The following COL7A1 variants were observed in gnomAD, a reference collection of about 807,000 sequenced individuals.
COL7A1 encodes collagen alpha-1(VII) chain.
A neutral mutation model predicts 456.2 loss-of-function variants in COL7A1; 296 were observed. The ratio of observed to expected loss-of-function variants is 0.65; its 90% CI spans 0.59 to 0.71. The LOEUF (loss-of-function observed/expected upper bound fraction) is 0.71. COL7A1 is among the 30% of genes least tolerant of loss of function. The pLI is 0.00. For synonymous variants in COL7A1, 1,464 were observed against 1,525.9 expected, an observed-to-expected ratio of 0.96 and a Z score of 0.95; for missense variants, 3,441 against 4,017.2, an observed-to-expected ratio of 0.86 and a Z score of 3.88.
Position 48,568,334 on chromosome 3 carries a change from C to T in COL7A1, c.7795-164G>A, listed in dbSNP as rs1019792901. 4 of 1,044,614 alleles carry T rather than the reference C, an allele frequency of 3.8e-6. No homozygotes were observed. In the Admixed American group the frequency reaches 8.2e-5, roughly 21 times the overall value. 64.7% of individuals were successfully genotyped at this position (1,044,614 alleles called of 1,614,324 possible). ...CAAGGGTCACCATAGGCAGGGGACA[C>T]CATCATAGGCGGCTACTGTGGAGGT... On this transcript the variant is annotated intron_variant, in intron 105 of 118. Transcript: ENST00000681320. The surrounding 1 kb of genome is among the most constrained non-coding windows in gnomAD (Gnocchi z 5.2).
At position 48,565,351 on chromosome 3, in the gene COL7A1, C is replaced by G. The variant is rs963083485; in HGVS notation, c.8527+59G>C. The G allele has an allele frequency of 1.3e-6, 2 of 1,550,170 alleles. No individual in the cohort carries two copies. Among genetic ancestry groups the G allele is most frequent in the Non-Finnish European group, 1.8e-6 (2 of 1,140,220 alleles). ...TTGGCGTGTGCCCTGCATTCATGGA[C>G]ACCCATGTGCGTGTCTCGGCCCCAC... On this transcript the variant is annotated intron_variant, in intron 116 of 118. Transcript: ENST00000681320. The surrounding 1 kb of genome is among the most constrained non-coding windows in gnomAD (Gnocchi z 4.5).
chr3:48,574,463 G>A lies in COL7A1; in HGVS notation c.6456+25C>T. 1 of 1,614,078 alleles carries A rather than the reference G, an allele frequency of 6.2e-7. No individual in the cohort carries two copies. Among genetic ancestry groups the A allele is most frequent in the Non-Finnish European group, 8.5e-7 (1 of 1,180,000 alleles). Reference sequence around the variant, plus strand: ...ATGTGAGAGCCACCTTCTTGCACATGTGTGGCTGTTGGGCAAGGACTTACC... The same window carrying A: ...ATGTGAGAGCCACCTTCTTGCACATATGTGGCTGTTGGGCAAGGACTTACC... On this transcript the variant is annotated intron_variant, in intron 79 of 118. Transcript: ENST00000681320. This position sits in a 1 kb window ranked among gnomAD's most constrained non-coding sequence, Gnocchi z 5.0.
Position 48,571,890 on chromosome 3 carries a change from A to T in COL7A1, c.7068+111T>A, listed in dbSNP as rs758045458. 14 of 1,325,576 alleles carry T rather than the reference A, an allele frequency of 1.1e-5. No individual in the cohort carries two copies. Among genetic ancestry groups the T allele is most frequent in the Non-Finnish European group, 1.5e-5 (14 of 943,878 alleles). The allele number at this position is 1,325,576 out of a possible 1,614,324, so 82.1% of individuals were successfully genotyped here. A position where few individuals can be genotyped will look rare whatever the true frequency, so the allele number is the denominator to read the frequency against. On this transcript the variant is annotated intron_variant, in intron 92 of 118. Coordinates refer to ENST00000681320, the MANE Select transcript of COL7A1 (RefSeq NM_000094.4). This position sits in a 1 kb window ranked among gnomAD's most constrained non-coding sequence, Gnocchi z 4.6. ...AGAGCAGGCTCCTGGATGTTGGGAC[A>T]TGCAGCCCGACTCAGGGGCTCAGAC...
In COL7A1 at chr3:48,567,827, C is replaced by T; in HGVS notation, c.7929+11G>A. 6.2e-7 allele frequency: 1 copy of T among 1,614,068 alleles called. No homozygotes were observed. The highest frequency in any genetic ancestry group is 1.3e-5 in the African/African-American group (1 of 74,998). On this transcript the variant is annotated intron_variant, in intron 107 of 118. Coordinates refer to ENST00000681320, the MANE Select transcript of COL7A1 (RefSeq NM_000094.4). The surrounding 1 kb of genome is among the most constrained non-coding windows in gnomAD (Gnocchi z 4.3). The stretch of plus-strand genomic sequence containing the variant: ...GGCCACGTAGCCCCCCAGCCCCCAT[C>T]CCCTCTGTACCTTGTCTCCCTTCTC...
In COL7A1 at chr3:48,587,275, T is replaced by C. The variant is rs2107755763; in HGVS notation, c.3054A>G (p.Leu1018=). 2 of 1,610,584 alleles carry C rather than the reference T, an allele frequency of 1.2e-6. No individual in the cohort carries two copies. Among genetic ancestry groups the C allele is most frequent in the South Asian group, 2.2e-5 (2 of 90,506 alleles). The change falls in exon 24 of 119, where the codon CTA becomes CTG. Residue 1018 remains leucine (L), a synonymous_variant. Coordinates refer to ENST00000681320, the MANE Select transcript of COL7A1 (RefSeq NM_000094.4). This position sits in a 1 kb window ranked among gnomAD's most constrained non-coding sequence, Gnocchi z 6.1. ...GISSSQRVTG[L]EPGVSYIFSL... is the part of the protein sequence containing the mutation. ...AGAAGATGTAAGAGACGCCAGGCTC[T>C]AGCCCTGTCACCCGCTGGGAGCTTG...
In COL7A1 at chr3:48,583,847, G is replaced by A. The variant is rs895970578; in HGVS notation, c.4278+53C>T. 5 of 1,613,526 alleles carry A rather than the reference G, an allele frequency of 3.1e-6. No homozygotes were observed. In the Admixed American group the frequency reaches 8.3e-5, roughly 27 times the overall value. ...GCCCAGCACCCAACCACTGCCCCAG[G>A]AGAGACCCACACCCCTGAGCAGGGC... On this transcript the variant is annotated intron_variant, in intron 39 of 118. Coordinates refer to ENST00000681320, the MANE Select transcript of COL7A1 (RefSeq NM_000094.4). This position sits in a 1 kb window ranked among gnomAD's most constrained non-coding sequence, Gnocchi z 5.1.
Position 48,594,981 on chromosome 3 carries a change from G to C in COL7A1, c.85+94C>G. The C allele has an allele frequency of 1.9e-6, 2 of 1,038,870 alleles. No individual in the cohort carries two copies. The highest frequency in any genetic ancestry group is 3.2e-5 in the African/African-American group (2 of 63,418). 64.4% of individuals were successfully genotyped at this position (1,038,870 alleles called of 1,614,324 possible). A position where few individuals can be genotyped will look rare whatever the true frequency, so the allele number is the denominator to read the frequency against. On this transcript the variant is annotated intron_variant, in intron 2 of 118. Transcript: ENST00000681320. This position sits in a 1 kb window ranked among gnomAD's most constrained non-coding sequence, Gnocchi z 5.5. ...CGCGGGGCGTCGTGGAGTTGGCTGG[G>C]TTGTGGGCGGGGGGTGTTGGGGATG...
Position 48,591,479 on chromosome 3 carries a change from CA to C in COL7A1, c.1620del (p.Ile540MetfsTer75). 1 of 1,613,920 alleles carries C rather than the reference CA, an allele frequency of 6.2e-7. No homozygotes were observed. Among genetic ancestry groups the C allele is most frequent in the Non-Finnish European group, 8.5e-7 (1 of 1,179,970 alleles). On this transcript the variant is annotated frameshift_variant, in exon 13 of 119. Transcript: ENST00000681320. LOFTEE classifies it high-confidence loss of function. This position sits in a 1 kb window ranked among gnomAD's most constrained non-coding sequence, Gnocchi z 7.0. ...PVPGATQYRI[I>X]VRSTQGVERT... ...TCCACCTCACCCTGGGTGCTGCGCA[CA>C]ATGATGCGGTACTGGGTGGCACCAG...
At position 48,581,300 on chromosome 3, in the gene COL7A1, C is replaced by T. The variant is rs373682717; in HGVS notation, c.4859G>A (p.Arg1620Gln). ...GPPGEKGDPGRPGPPGPVGPR... is the reference protein window; with the variant it reads ...GPPGEKGDPGQPGPPGPVGPR... ...GCCAACAGGTCCTGGGGGGCCAGGC[C>T]GCCCAGGGTCTCCCTTCTCTCCAGG... Residue 1620 changes from arginine to glutamine, a missense_variant, in exon 52 of 119, where the codon CGG becomes CAG. By Grantham distance (43) the Arg-to-Gln change is conservative. Coordinates refer to ENST00000681320, the MANE Select transcript of COL7A1 (RefSeq NM_000094.4). The surrounding 1 kb of genome is among the most constrained non-coding windows in gnomAD (Gnocchi z 5.8). 60 of 1,613,382 alleles carry T rather than the reference C, an allele frequency of 3.7e-5. No individual in the cohort carries two copies. In the African/African-American group the frequency reaches 4.1e-4, roughly 11 times the overall value.
intron 68 of COL7A1, 23 bp downstream of exon 68, chr3:48,576,653 C>T: frequency 2.5e-6 from 4 of 1,597,220 alleles, no homozygotes; most frequent in Non-Finnish European, 3.4e-6. Context: ...CTCTGAAGTC[C>T]CAGAATGACC....
At position 48,572,319 on chromosome 3, in the gene COL7A1, A is replaced by ATTTCT; in HGVS notation, c.6978+60_6978+61insAGAAA. 1.9e-6 allele frequency: 3 copies of ATTTCT among 1,613,772 alleles called. No individual in the cohort carries two copies. The highest frequency in any genetic ancestry group is 2.5e-6 in the Non-Finnish European group (3 of 1,179,706). ...GGTAAACTATGGGTCGAAGGTCAGAAGTTAGGCCACTGGAGAGACAGGACC... is the reference window on the plus strand; with the variant it reads ...GGTAAACTATGGGTCGAAGGTCAGAATTTCTGTTAGGCCACTGGAGAGACAGGACC... On this transcript the variant is annotated intron_variant, in intron 90 of 118. Coordinates refer to ENST00000681320, the MANE Select transcript of COL7A1 (RefSeq NM_000094.4). This position sits in a 1 kb window ranked among gnomAD's most constrained non-coding sequence, Gnocchi z 4.6.
At chr3:48,589,755 G>C (rs2045559750) in intron 16 of COL7A1, 37 bp from the exon 17 acceptor site, 1 of 1,613,780 alleles carries the variant, frequency 6.2e-7, no homozygotes, top group East Asian at 2.2e-5. Flanking sequence ...TGCTGGAACA[G>C]GCAGGAAGGA....
In COL7A1 at chr3:48,592,739, G is replaced by C; in HGVS notation, c.846+36C>G. 5.6e-6 allele frequency: 9 copies of C among 1,613,304 alleles called. 1 individual carries two copies. In the South Asian group the frequency reaches 9.9e-5, roughly 18 times the overall value. On this transcript the variant is annotated intron_variant, in intron 7 of 118. Coordinates refer to ENST00000681320, the MANE Select transcript of COL7A1 (RefSeq NM_000094.4). The surrounding 1 kb of genome is among the most constrained non-coding windows in gnomAD (Gnocchi z 7.6). ...AGGTCACTTTATCTTGCCCAGCCAA[G>C]TCCCCAGCCACCACCTATCACTCCT...
rs751278167 is a variant in COL7A1 at position 48,583,583 on chromosome 3, T to C, written c.4374A>G (p.Pro1458=). ...GCTCACCCGGAGACCCAGGTTGTCC[T>C]GGGAGGCCTGGAGCTCCATCCTCAG... ...GDSEDGAPGL[P]GQPGSPGEQG... is the part of the protein sequence containing the mutation. The change falls in exon 41 of 119, where the codon CCA becomes CCG. Residue 1458 remains proline, a synonymous_variant. Coordinates refer to ENST00000681320, the MANE Select transcript of COL7A1 (RefSeq NM_000094.4). The surrounding 1 kb of genome is among the most constrained non-coding windows in gnomAD (Gnocchi z 5.1). 1.9e-6 allele frequency: 3 copies of C among 1,614,012 alleles called. No individual in the cohort carries two copies. Among genetic ancestry groups the C allele is most frequent in the Non-Finnish European group, 1.7e-6 (2 of 1,180,000 alleles).
At position 48,590,821 on chromosome 3, in the gene COL7A1, G is replaced by A. The variant is rs2107782885; in HGVS notation, c.1637-5C>T. ...GCACCAGGGTCCGCTCAACCCCTAA[G>A]AGAGAAGTCAGGGTAGGTGGGCAGG... On this transcript the variant is annotated splice_region_variant and splice_polypyrimidine_tract_variant and intron_variant, in intron 13 of 118. Transcript: ENST00000681320. This position sits in a 1 kb window ranked among gnomAD's most constrained non-coding sequence, Gnocchi z 4.6. The A allele has an allele frequency of 1.2e-6, 2 of 1,612,984 alleles. No individual in the cohort carries two copies. The highest frequency in any genetic ancestry group is 1.7e-6 in the Non-Finnish European group (2 of 1,179,990).
At position 48,573,284 on chromosome 3, in the gene COL7A1, T is replaced by C; in HGVS notation, c.6651+32A>G. On this transcript the variant is annotated intron_variant, in intron 84 of 118. Transcript: ENST00000681320. This position sits in a 1 kb window ranked among gnomAD's most constrained non-coding sequence, Gnocchi z 5.5. ...GCAGTGCCAACCCCACCCATCTCCCTATGACCCTAACCTGTGAGCTAGGCC... is the reference window on the plus strand; with the variant it reads ...GCAGTGCCAACCCCACCCATCTCCCCATGACCCTAACCTGTGAGCTAGGCC... 6.2e-7 allele frequency: 1 copy of C among 1,613,986 alleles called. No individual in the cohort carries two copies. The highest frequency in any genetic ancestry group is 8.5e-7 in the Non-Finnish European group (1 of 1,180,002).
Position 48,570,974 on chromosome 3 carries a change from A to G in COL7A1, c.7165-6T>C. On this transcript the variant is annotated splice_region_variant and splice_polypyrimidine_tract_variant and intron_variant, in intron 94 of 118. Coordinates refer to ENST00000681320, the MANE Select transcript of COL7A1 (RefSeq NM_000094.4). This position sits in a 1 kb window ranked among gnomAD's most constrained non-coding sequence, Gnocchi z 5.5. ...CCAGGGAGGCCCAGATCTCCCTGAA[A>G]TAAAAACAGCAAAGGGAGGGAATGG... The G allele has an allele frequency of 6.2e-7, 1 of 1,613,324 alleles. No homozygotes were observed. Among genetic ancestry groups the G allele is most frequent in the Non-Finnish European group, 8.5e-7 (1 of 1,179,690 alleles).
At chr3:48,589,286 G>C in intron 18 of COL7A1, 41 bp downstream of exon 18, 1 of 1,611,170 alleles carries the variant, frequency 6.2e-7, no homozygotes, top group Non-Finnish European at 8.5e-7. Context: ...GGGCAGGGTA[G>C]CTAATGCGGT....
Position 48,583,935 on chromosome 3 carries a change from C to G in COL7A1, c.4243G>C (p.Glu1415Gln), listed in dbSNP as rs765935011. 6.2e-7 allele frequency: 1 copy of G among 1,614,070 alleles called. No individual in the cohort carries two copies. Among genetic ancestry groups the G allele is most frequent in the Non-Finnish European group, 8.5e-7 (1 of 1,180,018 alleles). Reference protein sequence around the residue: ...RGERGPPGPGEGGIAPGEPGL... With the variant: ...RGERGPPGPGQGGIAPGEPGL... ...GGCTCCCCAGGAGCAATGCCACCTT[C>G]ACCTGGTCCAGGGGGACCCTGGGAG... The change falls in exon 39 of 119, where the codon GAA becomes CAA. Residue 1415 changes from glutamate to glutamine, a missense_variant. By Grantham distance (29) the Glu-to-Gln change is conservative. Transcript: ENST00000681320. This position sits in a 1 kb window ranked among gnomAD's most constrained non-coding sequence, Gnocchi z 5.1.
Sources: gnomAD v4.1 joint callset for allele counts on GRCh38, gnomAD v4.1.1 for gene constraint, Gnocchi (gnomAD v3.1) non-coding constraint, MANE v1.5 for transcripts, NCBI Gene and HGNC (gene_info 2026-07-23, HGNC 2026-07-21) for gene names.